The following MGAT4A variants were observed in gnomAD, a reference collection of about 807,000 sequenced individuals.
The protein encoded by MGAT4A is N-acetylglucosaminyltransferase IVa.
A neutral mutation model predicts 74.1 loss-of-function variants in MGAT4A; 33 were observed. The observed-to-expected ratio is 0.45, with a 90% confidence interval of 0.34 to 0.60. The LOEUF (loss-of-function observed/expected upper bound fraction) is 0.60. MGAT4A is among the 20% of genes least tolerant of loss of function. The pLI is 0.02. For synonymous variants in MGAT4A, 198 were observed against 210.4 expected, an observed-to-expected ratio of 0.94 and a Z score of 0.51; for missense variants, 479 against 628.3, an observed-to-expected ratio of 0.76 and a Z score of 2.54.
intron 12 of MGAT4A, 31 bp from the exon 13 acceptor site, chr2:98,636,626 A>T: frequency 6.4e-7 from 1 of 1,568,952 alleles, no homozygotes; most frequent in Admixed American, 1.7e-5. Flanking sequence ...ATAAAAACAC[A>T]AGTCGGGCTA....
At chr2:98,646,161 T>A (rs1161057693) in intron 8 of MGAT4A, among the ~76,000 whole-genome samples, 1 of 152,100 alleles carries the variant, frequency 6.6e-6, no homozygotes, top group Non-Finnish European at 1.5e-5. Context: ...AAATCTTACA[T>A]CTTAATCCAG....
chr2:98,659,014 G>A (rs1701705255), intron 5 of MGAT4A, among the ~76,000 whole-genome samples: 1 of 152,300 alleles, frequency 6.6e-6, no homozygotes, highest in South Asian at 2.1e-4. Context: ...AAGCATGGCA[G>A]GCATGTTTTA....
chr2:98,717,597 G>A (rs1702610416), intron 2 of MGAT4A, among the ~76,000 whole-genome samples: 1 of 152,162 alleles, frequency 6.6e-6, no homozygotes, highest in Admixed American at 6.5e-5. Context: ...TTATATATAA[G>A]TTGTTAATAT....
At chr2:98,698,683 T>A (rs1470952254) in intron 2 of MGAT4A, among the ~76,000 whole-genome samples, 4 of 152,092 alleles carry the variant, frequency 2.6e-5, no homozygotes, top group Non-Finnish European at 5.9e-5. Flanking sequence ...TTGCCCAGGA[T>A]CTTTCTTGCT....
rs1701064564 is a variant in MGAT4A at position 98,621,795 on chromosome 2, G to T, written c.*3771C>A. 5 of 1,090,330 alleles carry T rather than the reference G, an allele frequency of 4.6e-6. 1 individual carries two copies. Among genetic ancestry groups the T allele is most frequent in the Admixed American group, 1.0e-4 (2 of 19,574 alleles). 67.5% of individuals were successfully genotyped at this position (1,090,330 alleles called of 1,614,324 possible). On this transcript the variant is annotated 3_prime_UTR_variant, in exon 16 of 16. Transcript: ENST00000393487. ...GAGACAACCTCTTTTTCATTATTAT[G>T]ATAGATTTTTTAAAGGCCTTCATAA...
intron 4 of MGAT4A, among the ~76,000 whole-genome samples, chr2:98,668,245 G>A (rs1213673329): frequency 6.6e-6 from 1 of 152,160 alleles, no homozygotes; most frequent in Non-Finnish European, 1.5e-5. Context: ...GATTTAGGAG[G>A]GAAAAATGGT....
rs548316824 is a variant in MGAT4A at position 98,651,449 on chromosome 2, CAG to C, written c.774+3994_774+3995del. Among the ~76,000 whole-genome samples the C allele has an allele frequency of 3.6e-4, 54 of 152,034 alleles. 1 individual carries two copies. In the South Asian group the frequency reaches 0.011, roughly 31 times the overall value. Reference sequence around the variant, plus strand: ...TTGGTAAAATAGAGTGCAGGGGAGACAGAGATGTAAAAGAGTAGAGATTTTAT... The same window carrying C: ...TTGGTAAAATAGAGTGCAGGGGAGACAGATGTAAAAGAGTAGAGATTTTAT... On this transcript the variant is annotated intron_variant, in intron 8 of 15. Transcript: ENST00000393487.
intron 2 of MGAT4A, among the ~76,000 whole-genome samples, chr2:98,723,057 C>T (rs1244085818): frequency 1.3e-5 from 2 of 152,188 alleles, no homozygotes; most frequent in East Asian, 1.9e-4. Flanking sequence ...CAGTATACCC[C>T]GCTGAAACTG....
rs1701117811 is a variant in MGAT4A, at chr2:98,624,658, T to C, written c.*908A>G. The C allele has an allele frequency of 1.0e-6, 1 of 982,224 alleles. No individual in the cohort carries two copies. The highest frequency in any genetic ancestry group is 1.1e-4 in the East Asian group (1 of 8,812). 60.8% of individuals were successfully genotyped at this position (982,224 alleles called of 1,614,324 possible). On this transcript the variant is annotated 3_prime_UTR_variant, in exon 16 of 16. Coordinates refer to ENST00000393487, the MANE Select transcript of MGAT4A (RefSeq NM_012214.3). ...GCAGATAATGCACCTAATTCATGGA[T>C]TAAAGACAAAGATTAAAAAGGAAAG...
chr2:98,653,508 T>C (rs1041631842), intron 8 of MGAT4A, among the ~76,000 whole-genome samples: 2 of 151,798 alleles, frequency 1.3e-5, no homozygotes, highest in Non-Finnish European at 2.9e-5. Context: ...ACAACTGATA[T>C]CACAGAAATA....
chr2:98,681,195 A>G (rs889947029), intron 2 of MGAT4A, among the ~76,000 whole-genome samples: 3 of 152,090 alleles, frequency 2.0e-5, no homozygotes, highest in Non-Finnish European at 4.4e-5. Flanking sequence ...GTTAGCCAGG[A>G]TGGTCTCTAT....
chr2:98,649,116 G>A (rs549127313), intron 8 of MGAT4A, among the ~76,000 whole-genome samples: 2 of 152,320 alleles, frequency 1.3e-5, no homozygotes, highest in African/African-American at 4.8e-5. Context: ...CAAGAAGGTT[G>A]ATTATGATAT....
intron 2 of MGAT4A, among the ~76,000 whole-genome samples, chr2:98,695,878 CTTTT>C (rs554678618): frequency 6.1e-5 from 8 of 130,414 alleles, no homozygotes; most frequent in Admixed American, 7.8e-5. Context: ...CACAGAACTT[CTTTT>C]TTTTTTTTTT....
Position 98,625,756 on chromosome 2 carries a change from AATAACTG to A in MGAT4A, c.1541_1547del (p.Ser514PhefsTer36). ...GAATGGCCCAAACAGCAGAATTCTG[AATAACTG>A]AAAGTCGAAAGGCTGAAATGGGATT... On this transcript the variant is annotated frameshift_variant, in exon 15 of 16. Transcript: ENST00000393487. LOFTEE classifies it high-confidence loss of function. 1 of 1,611,940 alleles carries A rather than the reference AATAACTG, an allele frequency of 6.2e-7. No homozygotes were observed. Among genetic ancestry groups the A allele is most frequent in the Non-Finnish European group, 8.5e-7 (1 of 1,178,338 alleles).
chr2:98,719,631 G>C (rs909193037), intron 2 of MGAT4A, among the ~76,000 whole-genome samples: 10 of 152,096 alleles, frequency 6.6e-5, no homozygotes, highest in Admixed American at 5.9e-4. Context: ...AGATGAACTA[G>C]ATGTTGGATT....
At chr2:98,655,398 C>T in intron 8 of MGAT4A, 47 bp downstream of exon 8, 3 of 1,410,154 alleles carry the variant, frequency 2.1e-6, no homozygotes, top group Admixed American at 2.0e-5. Flanking sequence ...CCCTTGATAA[C>T]ACTTTTTCTT....
chr2:98,682,808 C>T (rs1296664741), intron 2 of MGAT4A, among the ~76,000 whole-genome samples: 1 of 152,108 alleles, frequency 6.6e-6, no homozygotes, highest in African/African-American at 2.4e-5. Flanking sequence ...AAATGGCGGC[C>T]GGGCGTGATG....
intron 14 of MGAT4A, among the ~76,000 whole-genome samples, chr2:98,631,874 C>A (rs1258450555): frequency 1.3e-5 from 2 of 151,300 alleles, no homozygotes; most frequent in Non-Finnish European, 2.9e-5. Context: ...AATCCCAGCA[C>A]TTTGGGAGGC....
intron 14 of MGAT4A, 57 bp from the exon 15 acceptor site, chr2:98,625,892 T>A (rs1249468728): frequency 1.5e-6 from 2 of 1,306,564 alleles, no homozygotes; most frequent in Non-Finnish European, 2.2e-6. Context: ...ACATAAAATA[T>A]CACTGAGTTA....
Sources: gnomAD v4.1 joint callset for allele counts (sites outside exome capture counted in the v4.1 genomes callset) on GRCh38, gnomAD v4.1.1 for gene constraint, MANE v1.5 for transcripts, NCBI Gene and HGNC (gene_info 2026-07-23, HGNC 2026-07-21) for gene names.